MBD5: variants seen among roughly 807,000 people sequenced by gnomAD.
MBD5 encodes the protein methyl-CpG binding domain protein 5.
Under a neutral mutation model 117.3 loss-of-function variants are expected in MBD5, and 13 were observed. That is an observed-to-expected ratio of 0.11 (90% CI 0.07 to 0.18). MBD5 has a LOEUF of 0.18. MBD5 is among the 10% of genes least tolerant of loss of function. The pLI, the probability that MBD5 is intolerant of heterozygous loss-of-function variation, is 1.00. For synonymous variants in MBD5, 727 were observed against 766.4 expected, an observed-to-expected ratio of 0.95 and a Z score of 0.85; for missense variants, 1,879 against 2,093.8, an observed-to-expected ratio of 0.90 and a Z score of 2.00.
intron 4 of MBD5, among the ~76,000 whole-genome samples, chr2:148,452,569 C>G (rs946196774): frequency 7.4e-6 from 1 of 135,500 alleles, no homozygotes; most frequent in African/African-American, 2.7e-5. Flanking sequence ...ATTAGGTTGA[C>G]AATAATCTCA....
intron 4 of MBD5, among the ~76,000 whole-genome samples, chr2:148,367,066 G>GA (rs1202358241): frequency 6.6e-6 from 1 of 152,108 alleles, no homozygotes; most frequent in East Asian, 1.9e-4. Context: ...CACACTACCT[G>GA]ACTTCAAATT....
intron 1 of MBD5, among the ~76,000 whole-genome samples, chr2:148,097,991 A>G (rs1696111668): frequency 6.6e-6 from 1 of 152,216 alleles, no homozygotes; most frequent in Admixed American, 6.5e-5. Flanking sequence ...AGGACTTTAT[A>G]AACTGTGTAA....
intron 4 of MBD5, among the ~76,000 whole-genome samples, chr2:148,345,221 C>CACACACACACACAA (rs368914958): frequency 2.7e-5 from 4 of 149,214 alleles, no homozygotes; most frequent in Non-Finnish European, 4.5e-5. Context: ...TATATATACA[C>CACACACACACACAA]ACACACATAT....
intron 4 of MBD5, among the ~76,000 whole-genome samples, chr2:148,363,702 C>A (rs1703611622): frequency 6.6e-6 from 1 of 152,054 alleles, no homozygotes. Context: ...GAAGCATACA[C>A]AAGTATCAAT....
intron 4 of MBD5, among the ~76,000 whole-genome samples, chr2:148,425,813 A>G (rs956648994): frequency 6.6e-6 from 1 of 152,234 alleles, no homozygotes; most frequent in African/African-American, 2.4e-5. Context: ...AGATGCAGAA[A>G]AGACCTTTGA....
chr2:148,507,118 T>C (rs1228789377), intron 12 of MBD5, among the ~76,000 whole-genome samples: 2 of 152,262 alleles, frequency 1.3e-5, no homozygotes, highest in African/African-American at 4.8e-5. Flanking sequence ...TGAAACATTA[T>C]ACTAATTTAG....
At chr2:148,431,727 T>C (rs559375886) in intron 4 of MBD5, among the ~76,000 whole-genome samples, 1 of 152,330 alleles carries the variant, frequency 6.6e-6, no homozygotes, top group East Asian at 1.9e-4. Flanking sequence ...TTCTTTTCTA[T>C]GGCTTCATAG....
chr2:148,483,538 C>T lies in MBD5; in HGVS notation c.2947C>T (p.Pro983Ser). ...SSDMDGQVLQ[P>S]VHFQLLAALL... ...TGACATGGATGGGCAGGTATTGCAG[C>T]CTGTTCACTTTCAGCTCTTAGCAGC... The change falls in exon 9 of 14, where the codon CCT becomes TCT. Residue 983 changes from proline to serine, a missense_variant. Transcript: ENST00000642680. 6.3e-7 allele frequency: 1 copy of T among 1,597,650 alleles called. No individual in the cohort carries two copies. Among genetic ancestry groups the T allele is most frequent in the East Asian group, 2.3e-5 (1 of 44,124 alleles).
intron 4 of MBD5, among the ~76,000 whole-genome samples, chr2:148,434,214 G>A (rs1427516324): frequency 2.0e-5 from 3 of 151,704 alleles, no homozygotes; most frequent in South Asian, 4.2e-4. Flanking sequence ...CTGTGGTGTC[G>A]GTAGTAACAT....
At chr2:148,343,362 A>G (rs906774307) in intron 4 of MBD5, among the ~76,000 whole-genome samples, 60 of 152,228 alleles carry the variant, frequency 3.9e-4, no homozygotes, top group Non-Finnish European at 7.4e-4. Context: ...TGCTTTCCAC[A>G]GTGGCTGAAC....
chr2:148,294,249 G>T (rs938134879), intron 3 of MBD5, among the ~76,000 whole-genome samples: 1 of 123,186 alleles, frequency 8.1e-6, no homozygotes, highest in African/African-American at 3.5e-5. Flanking sequence ...TTTTGAGACA[G>T]AGTCTTGCTC....
chr2:148,197,301 C>T (rs1699012956), intron 2 of MBD5, among the ~76,000 whole-genome samples: 1 of 152,132 alleles, frequency 6.6e-6, no homozygotes, highest in African/African-American at 2.4e-5. Context: ...CAGTTCCCAG[C>T]CTTAAAGGTG....
At chr2:148,158,406 G>GT (rs1697922597) in intron 1 of MBD5, among the ~76,000 whole-genome samples, 1 of 152,148 alleles carries the variant, frequency 6.6e-6, no homozygotes, top group African/African-American at 2.4e-5. Context: ...TAAATGGCAG[G>GT]TTTTTCTTTA....
intron 3 of MBD5, among the ~76,000 whole-genome samples, chr2:148,314,677 G>T (rs1299686539): frequency 6.6e-6 from 1 of 151,952 alleles, no homozygotes; most frequent in Non-Finnish European, 1.5e-5. Context: ...CGCATTCAGG[G>T]TGGTATGGCC....
chr2:148,114,944 C>T (rs6430291), intron 1 of MBD5, among the ~76,000 whole-genome samples: 62,547 of 151,744 alleles, frequency 0.41, 13,180 homozygotes, highest in South Asian at 0.5. Flanking sequence ...TGTAACAGTA[C>T]TCCTTATAGA....
At chr2:148,330,467 C>T (rs1044875556) in intron 3 of MBD5, 1 of 152,166 alleles carries the variant, frequency 6.6e-6, no homozygotes, top group Non-Finnish European at 1.5e-5. Context: ...CAGATGCAAT[C>T]ATCTCCATTT....
At chr2:148,241,947 T>A (rs1305030040) in intron 3 of MBD5, among the ~76,000 whole-genome samples, 1 of 152,212 alleles carries the variant, frequency 6.6e-6, no homozygotes, top group Non-Finnish European at 1.5e-5. Flanking sequence ...TTACTTGAAT[T>A]GGAATTACTG....
intron 1 of MBD5, among the ~76,000 whole-genome samples, chr2:148,107,904 T>C (rs1696409459): frequency 6.6e-6 from 1 of 152,184 alleles, no homozygotes; most frequent in African/African-American, 2.4e-5. Flanking sequence ...AATGTTTCTG[T>C]TTCTGTTAGA....
chr2:148,453,470 T>A (rs1045507526), intron 4 of MBD5, among the ~76,000 whole-genome samples: 3 of 152,058 alleles, frequency 2.0e-5, no homozygotes, highest in African/African-American at 7.2e-5. Context: ...TGCTACTGTT[T>A]GTGAAATAAA....
Sources: gnomAD v4.1 joint callset for allele counts (sites outside exome capture counted in the v4.1 genomes callset) on GRCh38, gnomAD v4.1.1 for gene constraint, MANE v1.5 for transcripts, NCBI Gene and HGNC (gene_info 2026-07-23, HGNC 2026-07-21) for gene names.